GPATCH2: variants seen among roughly 807,000 people sequenced by gnomAD.
The protein encoded by GPATCH2 is G patch domain-containing protein 2.
A neutral mutation model predicts 58.0 loss-of-function variants in GPATCH2; 51 were observed. The ratio of observed to expected loss-of-function variants is 0.88; its 90% CI spans 0.70 to 1.11. The LOEUF (loss-of-function observed/expected upper bound fraction) is 1.11, where lower values mean the gene tolerates loss of function less well. GPATCH2 is among the 50% of genes most tolerant of loss of function. GPATCH2 has a pLI of 0.00. For missense variants in GPATCH2, 625 were observed against 652.2 expected (o/e 0.96, Z 0.45); for synonymous variants, 222 against 218.5 (o/e 1.02, Z -0.14).
At chr1:217,544,120 C>T (rs753391832) in intron 5 of GPATCH2, among the ~76,000 whole-genome samples, 4 of 152,144 alleles carry the variant, frequency 2.6e-5, no homozygotes, top group Non-Finnish European at 5.9e-5. Context: ...ATAACCTGGG[C>T]ACAGTGGCTC....
At chr1:217,625,769 G>GGTCA (rs937936971) in intron 1 of GPATCH2, among the ~76,000 whole-genome samples, 2 of 152,112 alleles carry the variant, frequency 1.3e-5, no homozygotes, top group African/African-American at 4.8e-5. Context: ...GATCACCTGA[G>GGTCA]GTCAGGCATT....
chr1:217,444,958 A>G (rs1211609552), intron 9 of GPATCH2, among the ~76,000 whole-genome samples: 1 of 152,186 alleles, frequency 6.6e-6, no homozygotes, highest in East Asian at 1.9e-4. Flanking sequence ...TTCACTCATT[A>G]TTATTATTTA....
Position 217,431,119 on chromosome 1 carries a change from T to C in GPATCH2, c.*26A>G, listed in dbSNP as rs771819861. 4 of 1,084,552 alleles carry C rather than the reference T, an allele frequency of 3.7e-6. No homozygotes were observed. Among genetic ancestry groups the C allele is most frequent in the African/African-American group, 1.5e-5 (1 of 65,008 alleles). The allele number at this position is 1,084,552 out of a possible 1,614,324, so 67.2% of individuals were successfully genotyped here. ...ACAATGGGACATAGTGAATAAAGTC[T>C]GTAAAACATTTCTTCTTTGCTTTTC... On this transcript the variant is annotated 3_prime_UTR_variant, in exon 10 of 10. Coordinates refer to ENST00000366935, the MANE Select transcript of GPATCH2 (RefSeq NM_018040.5).
chr1:217,625,940 C>T (rs1571679668), intron 1 of GPATCH2, among the ~76,000 whole-genome samples: 1 of 152,028 alleles, frequency 6.6e-6, no homozygotes, highest in Non-Finnish European at 1.5e-5. Flanking sequence ...GTCAAGATCA[C>T]GCCACTGCAC....
intron 8 of GPATCH2, among the ~76,000 whole-genome samples, chr1:217,451,118 T>C (rs1659645811): frequency 6.6e-6 from 1 of 152,126 alleles, no homozygotes; most frequent in Non-Finnish European, 1.5e-5. Flanking sequence ...TTAGGTACAG[T>C]GGTAGTGGCG....
intron 5 of GPATCH2, among the ~76,000 whole-genome samples, chr1:217,567,259 T>C (rs1240888426): frequency 2.0e-5 from 3 of 152,108 alleles, no homozygotes; most frequent in African/African-American, 7.2e-5. Context: ...TTGGTCAGAC[T>C]GGTCTTGAAC....
At chr1:217,547,023 C>T (rs956028282) in intron 5 of GPATCH2, among the ~76,000 whole-genome samples, 2 of 152,000 alleles carry the variant, frequency 1.3e-5, no homozygotes, top group Non-Finnish European at 2.9e-5. Context: ...TGGAGAAATG[C>T]AAATGAAAAC....
At chr1:217,559,871 A>AGG (rs946112676) in intron 5 of GPATCH2, among the ~76,000 whole-genome samples, 3 of 149,210 alleles carry the variant, frequency 2.0e-5, no homozygotes, top group East Asian at 4.1e-4. Context: ...AAAAATCCAG[A>AGG]GGGAGAGAGA....
chr1:217,531,769 G>C (rs1664201600), intron 5 of GPATCH2, among the ~76,000 whole-genome samples: 1 of 152,150 alleles, frequency 6.6e-6, no homozygotes. Flanking sequence ...TTCCTGGGTA[G>C]CACACTGTTA....
chr1:217,539,014 T>C (rs1156733836), intron 5 of GPATCH2, among the ~76,000 whole-genome samples: 1 of 152,176 alleles, frequency 6.6e-6, no homozygotes, highest in Non-Finnish European at 1.5e-5. Context: ...ATTTGCCATT[T>C]GGGGTGTGGG....
chr1:217,619,034 T>C (rs1304576861), intron 2 of GPATCH2, among the ~76,000 whole-genome samples: 1 of 152,006 alleles, frequency 6.6e-6, no homozygotes, highest in Non-Finnish European at 1.5e-5. Flanking sequence ...ATTTACAGAC[T>C]GTTTTTTTCT....
intron 5 of GPATCH2, among the ~76,000 whole-genome samples, chr1:217,604,244 G>A (rs1008651909): frequency 5.3e-5 from 8 of 151,710 alleles, no homozygotes; most frequent in Non-Finnish European, 1.2e-4. Context: ...TCAGTTACTA[G>A]GGAGGCTGAA....
At chr1:217,551,144 C>T (rs1373326159) in intron 5 of GPATCH2, among the ~76,000 whole-genome samples, 1 of 149,938 alleles carries the variant, frequency 6.7e-6, no homozygotes, top group Non-Finnish European at 1.5e-5. Flanking sequence ...CAGAGAGAAA[C>T]CTAGACCAGT....
intron 5 of GPATCH2, among the ~76,000 whole-genome samples, chr1:217,559,127 T>C (rs1316282020): frequency 6.6e-6 from 1 of 152,118 alleles, no homozygotes; most frequent in East Asian, 1.9e-4. Flanking sequence ...TCTCGGATGT[T>C]ACAATAAAAT....
chr1:217,559,046 C>T (rs1665791163), intron 5 of GPATCH2, among the ~76,000 whole-genome samples: 1 of 151,920 alleles, frequency 6.6e-6, no homozygotes, highest in Admixed American at 6.6e-5. Flanking sequence ...TCCCCACTGC[C>T]TCAGGAATAT....
chr1:217,512,689 C>T (rs1270783334), intron 6 of GPATCH2, among the ~76,000 whole-genome samples: 3 of 152,166 alleles, frequency 2.0e-5, no homozygotes, highest in Non-Finnish European at 2.9e-5. Context: ...CAACAGAAAC[C>T]ACTATATTTT....
chr1:217,458,053 C>T (rs984596175), intron 8 of GPATCH2, among the ~76,000 whole-genome samples: 5 of 152,116 alleles, frequency 3.3e-5, no homozygotes, highest in Non-Finnish European at 5.9e-5. Context: ...CGGTGAAACC[C>T]CGTCTCTACT....
intron 5 of GPATCH2, among the ~76,000 whole-genome samples, chr1:217,557,077 ATG>A (rs1172670647): frequency 6.6e-6 from 1 of 152,040 alleles, no homozygotes; most frequent in Non-Finnish European, 1.5e-5. Context: ...GTGGCTCGGT[ATG>A]TGTGTGCTGT....
chr1:217,627,021 T>A (rs1669500766), intron 1 of GPATCH2, among the ~76,000 whole-genome samples: 1 of 151,760 alleles, frequency 6.6e-6, no homozygotes, highest in South Asian at 2.1e-4. Context: ...ACAGAGAACA[T>A]GAGCTTAGAA....
Sources: allele counts gnomAD v4.1 joint callset (sites outside exome capture counted in the v4.1 genomes callset), GRCh38; gene constraint gnomAD v4.1.1; transcripts MANE v1.5; gene names NCBI Gene and HGNC (gene_info 2026-07-23, HGNC 2026-07-21).